Variants in MYO3A observed in about 807,000 individuals in gnomAD.
MYO3A encodes the protein myosin-IIIa.
MYO3A carries 180 observed loss-of-function variants against 192.7 expected under a neutral mutation model. The ratio of observed to expected loss-of-function variants is 0.93; its 90% CI spans 0.83 to 1.06. The LOEUF (loss-of-function observed/expected upper bound fraction) is 1.06, where lower values mean the gene tolerates loss of function less well. MYO3A is among the 50% of genes least tolerant of loss of function. The probability of loss-of-function intolerance (pLI) is 0.00; values close to 1 mark genes in which losing one functional copy is unlikely to be tolerated. For missense variants in MYO3A, 1,896 were observed against 1,905.0 expected (o/e 1.00, Z 0.09); for synonymous variants, 628 against 645.3 (o/e 0.97, Z 0.41).
chr10:26,173,284 A>G (rs1393021255), intron 29 of MYO3A, among the ~76,000 whole-genome samples: 2 of 152,240 alleles, frequency 1.3e-5, no homozygotes, highest in Admixed American at 1.3e-4. Context: ...TACCCTGCTT[A>G]CTGGTATCAA....
intron 4 of MYO3A, among the ~76,000 whole-genome samples, chr10:25,971,120 A>G (rs993016885): frequency 1.3e-5 from 2 of 152,100 alleles, no homozygotes; most frequent in African/African-American, 2.4e-5. Context: ...TATATTTTAA[A>G]GAAAAGCAGA....
intron 10 of MYO3A, among the ~76,000 whole-genome samples, chr10:26,055,705 T>TC (rs1247349291): frequency 1.3e-5 from 2 of 152,210 alleles, no homozygotes; most frequent in African/African-American, 4.8e-5. Context: ...AGCATTCTGT[T>TC]CCTTTTAACA....
chr10:26,062,698 C>G (rs4998836), intron 10 of MYO3A, among the ~76,000 whole-genome samples: 71,652 of 151,458 alleles, frequency 0.47, 17,795 homozygotes, highest in Middle Eastern at 0.59. Context: ...GACTGTACAC[C>G]TTAGGATGAT....
At chr10:26,000,595 G>A (rs1413463237) in intron 6 of MYO3A, among the ~76,000 whole-genome samples, 3 of 151,264 alleles carry the variant, frequency 2.0e-5, no homozygotes, top group Non-Finnish European at 4.4e-5. Context: ...GAAGTTTTCA[G>A]GGATACACCA....
At chr10:25,958,862 A>G (rs1417351988) in intron 4 of MYO3A, among the ~76,000 whole-genome samples, 1 of 150,226 alleles carries the variant, frequency 6.7e-6, no homozygotes, top group Non-Finnish European at 1.5e-5. Context: ...TTTAAATGGG[A>G]TTGTTTTTAT....
chr10:26,007,076 T>C (rs1290317810), intron 6 of MYO3A, among the ~76,000 whole-genome samples: 2 of 147,616 alleles, frequency 1.4e-5, no homozygotes, highest in Non-Finnish European at 3.0e-5. Flanking sequence ...GCTGGTTCAA[T>C]ATACGCAAAT....
chr10:26,113,574 T>C (rs1054681274), intron 17 of MYO3A, among the ~76,000 whole-genome samples: 3 of 152,170 alleles, frequency 2.0e-5, no homozygotes, highest in Non-Finnish European at 4.4e-5. Context: ...AATAACAATT[T>C]GATACCAAGT....
intron 10 of MYO3A, among the ~76,000 whole-genome samples, chr10:26,032,352 C>T (rs553842032): frequency 6.6e-6 from 1 of 152,344 alleles, no homozygotes; most frequent in Admixed American, 6.5e-5. Flanking sequence ...TGCCGTGGCT[C>T]ACGCCTGTAA....
chr10:26,104,340 A>G (rs1214044484), intron 17 of MYO3A, among the ~76,000 whole-genome samples: 2 of 152,122 alleles, frequency 1.3e-5, no homozygotes, highest in Non-Finnish European at 2.9e-5. Flanking sequence ...CATTTAGGTC[A>G]TTGTTCCATT....
intron 31 of MYO3A, among the ~76,000 whole-genome samples, chr10:26,186,728 C>A (rs759238005): frequency 2.0e-5 from 3 of 152,216 alleles, no homozygotes; most frequent in Non-Finnish European, 4.4e-5. Context: ...GCTCACTTTT[C>A]ATTGGTCTAT....
intron 26 of MYO3A, among the ~76,000 whole-genome samples, chr10:26,160,679 G>A (rs142162239): frequency 1.6e-3 from 242 of 152,100 alleles, no homozygotes; most frequent in Non-Finnish European, 3.0e-3. Context: ...TAAGAAGAAG[G>A]ACTCAAACTG....
intron 4 of MYO3A, among the ~76,000 whole-genome samples, chr10:25,962,810 A>G (rs1838017965): frequency 6.6e-6 from 1 of 152,178 alleles, no homozygotes; most frequent in Non-Finnish European, 1.5e-5. Flanking sequence ...GAGTTAAATC[A>G]GTCTCATATA....
intron 17 of MYO3A, among the ~76,000 whole-genome samples, chr10:26,108,832 G>A (rs1195617160): frequency 6.6e-6 from 1 of 152,186 alleles, no homozygotes; most frequent in East Asian, 1.9e-4. Flanking sequence ...AGAAGATGAA[G>A]TGTGATCTTT....
At chr10:26,018,187 A>T (rs1183915814) in intron 7 of MYO3A, among the ~76,000 whole-genome samples, 1 of 151,932 alleles carries the variant, frequency 6.6e-6, no homozygotes, top group Non-Finnish European at 1.5e-5. Flanking sequence ...GTAGCACAGT[A>T]GGGCTTGAAA....
chr10:26,030,617 G>A (rs1842761561), intron 10 of MYO3A, among the ~76,000 whole-genome samples: 1 of 152,116 alleles, frequency 6.6e-6, no homozygotes, highest in East Asian at 1.9e-4. Context: ...TTCTGATGTT[G>A]GTAAAATGGA....
At chr10:26,021,442 T>G (rs1182031922) in intron 7 of MYO3A, 61 bp from the exon 8 acceptor site, 8 of 1,569,230 alleles carry the variant, frequency 5.1e-6, no homozygotes, top group Non-Finnish European at 7.0e-6. Context: ...GTTCTAAGTA[T>G]TTTATTACAT....
intron 17 of MYO3A, among the ~76,000 whole-genome samples, chr10:26,102,914 A>G (rs979232356): frequency 4.6e-5 from 7 of 152,078 alleles, no homozygotes; most frequent in African/African-American, 1.2e-4. Flanking sequence ...GAGAACCACT[A>G]CTCTCTTCAA....
chr10:26,098,411 T>A (rs1837198691), intron 17 of MYO3A, among the ~76,000 whole-genome samples: 1 of 152,238 alleles, frequency 6.6e-6, no homozygotes, highest in Non-Finnish European at 1.5e-5. Context: ...AGCTCTTTAG[T>A]TTAATTAGAT....
At chr10:26,194,540 A>G (rs746384386) in intron 32 of MYO3A, among the ~76,000 whole-genome samples, 6 of 152,172 alleles carry the variant, frequency 3.9e-5, no homozygotes, top group Non-Finnish European at 8.8e-5. Flanking sequence ...GCCCTGGAGA[A>G]CCCAGAGGAT....
Sources: allele counts gnomAD v4.1 joint callset (sites outside exome capture counted in the v4.1 genomes callset), GRCh38; gene constraint gnomAD v4.1.1; transcripts MANE v1.5; gene names NCBI Gene and HGNC (gene_info 2026-07-23, HGNC 2026-07-21).